Variants in KCNU1 observed in about 807,000 individuals in gnomAD.
The protein encoded by KCNU1 is potassium calcium-activated channel subfamily U member 1, also known as potassium channel subfamily U member 1.
A neutral mutation model predicts 126.8 loss-of-function variants in KCNU1; 93 were observed. That is an observed-to-expected ratio of 0.73 (90% CI 0.62 to 0.87). The LOEUF (loss-of-function observed/expected upper bound fraction) is 0.87. Ranked by LOEUF, KCNU1 falls within the 40% of genes least tolerant of loss-of-function variation. The probability of loss-of-function intolerance (pLI) is 0.00; values close to 1 mark genes in which losing one functional copy is unlikely to be tolerated. For synonymous variants in KCNU1, 523 were observed against 494.2 expected, an observed-to-expected ratio of 1.06 and a Z score of -0.77; for missense variants, 1,330 against 1,367.1, an observed-to-expected ratio of 0.97 and a Z score of 0.43.
At chr8:36,871,516 A>C (rs1806102889) in intron 19 of KCNU1, among the ~76,000 whole-genome samples, 1 of 152,162 alleles carries the variant, frequency 6.6e-6, no homozygotes, top group East Asian at 1.9e-4. Context: ...AAATAGCAGA[A>C]AAATAGCTTC....
At chr8:36,933,056 A>G (rs1359550265) in intron 26 of KCNU1, 24 bp downstream of exon 26, 1 of 1,333,702 alleles carries the variant, frequency 7.5e-7, no homozygotes, top group Non-Finnish European at 1.1e-6. Flanking sequence ...ATTGGAAAGC[A>G]CCATCCACCC....
At chr8:36,901,296 T>A (rs1251996967) in intron 19 of KCNU1, among the ~76,000 whole-genome samples, 2 of 151,982 alleles carry the variant, frequency 1.3e-5, no homozygotes, top group African/African-American at 4.8e-5. Context: ...CATGGTTTGG[T>A]CTCTCTCTCA....
intron 10 of KCNU1, among the ~76,000 whole-genome samples, chr8:36,827,260 T>G (rs1330855334): frequency 6.6e-6 from 1 of 152,236 alleles, no homozygotes; most frequent in Non-Finnish European, 1.5e-5. Context: ...AAACTCAGGA[T>G]GACAGCCGAA....
At chr8:36,862,316 T>A (rs1321577862) in intron 18 of KCNU1, among the ~76,000 whole-genome samples, 5 of 152,204 alleles carry the variant, frequency 3.3e-5, no homozygotes, top group African/African-American at 1.2e-4. Context: ...TTTTCTTAAA[T>A]TTTTTCCTCA....
At chr8:36,818,609 CTTCTT>C (rs1804008201) in intron 10 of KCNU1, among the ~76,000 whole-genome samples, 1 of 152,158 alleles carries the variant, frequency 6.6e-6, no homozygotes, top group African/African-American at 2.4e-5. Flanking sequence ...AGAGAATTAA[CTTCTT>C]TACTTTTCTC....
At chr8:36,795,232 G>A (rs988562159) in intron 2 of KCNU1, 1 of 152,388 alleles carries the variant, frequency 6.6e-6, no homozygotes, top group Non-Finnish European at 1.5e-5. Context: ...GACGGGCCTG[G>A]GCTCCTTCCC....
intron 24 of KCNU1, chr8:36,922,849 G>A: frequency 1.7e-6 from 1 of 596,382 alleles, no homozygotes; most frequent in South Asian, 1.8e-5. Flanking sequence ...TGAGGCCCTT[G>A]CAGCCAGAAC....
At chr8:36,918,251 A>T (rs1293667299) in intron 22 of KCNU1, among the ~76,000 whole-genome samples, 1 of 152,122 alleles carries the variant, frequency 6.6e-6, no homozygotes. Context: ...ATTGAGAAAG[A>T]ATAGACATAG....
intron 11 of KCNU1, among the ~76,000 whole-genome samples, chr8:36,834,284 A>T (rs1320515439): frequency 6.6e-6 from 1 of 152,144 alleles, no homozygotes; most frequent in Non-Finnish European, 1.5e-5. Context: ...GACCCAGAAA[A>T]ATATTTCTCT....
Position 36,834,845 on chromosome 8 carries a change from T to A in KCNU1, c.1272T>A (p.Ala424=), listed in dbSNP as rs1205054749. 2 of 1,610,978 alleles carry A rather than the reference T, an allele frequency of 1.2e-6. No individual in the cohort carries two copies. The highest frequency in any genetic ancestry group is 1.7e-6 in the Non-Finnish European group (2 of 1,177,896). The stretch of plus-strand genomic sequence containing the variant: ...ATCCTTTGTGCAGTGATTCCCATGC[T>A]GAAGATATTTCCAACATTATGAGGT... ...IANPLCSDSH[A]EDISNIMRVL... is the part of the protein sequence containing the mutation. Residue 424 remains alanine, a synonymous_variant, in exon 12 of 27, where the codon GCT becomes GCA. Transcript: ENST00000399881.
chr8:36,841,051 T>TG, intron 16 of KCNU1, 48 bp downstream of exon 16: 12 of 1,267,096 alleles, frequency 9.5e-6, no homozygotes, highest in Non-Finnish European at 1.3e-5. Context: ...TTTTTTTTTT[T>TG]TTTTTCCTGG....
chr8:36,900,254 T>A (rs1807361603), intron 19 of KCNU1, among the ~76,000 whole-genome samples: 1 of 152,148 alleles, frequency 6.6e-6, no homozygotes, highest in Admixed American at 6.6e-5. Flanking sequence ...CCCAGTTGCT[T>A]GGTCCTGAAA....
chr8:36,837,249 A>T (rs184554707), intron 14 of KCNU1, among the ~76,000 whole-genome samples: 2 of 152,164 alleles, frequency 1.3e-5, no homozygotes, highest in Non-Finnish European at 2.9e-5. Flanking sequence ...TCAAAGTAGA[A>T]GCATTGAGTT....
chr8:36,841,356 T>A (rs556696642), intron 16 of KCNU1, among the ~76,000 whole-genome samples: 1 of 152,262 alleles, frequency 6.6e-6, no homozygotes, highest in African/African-American at 2.4e-5. Flanking sequence ...CAAAATTGAA[T>A]CATTTGTGAT....
At chr8:36,925,515 G>T (rs1381180649) in intron 24 of KCNU1, among the ~76,000 whole-genome samples, 1 of 152,160 alleles carries the variant, frequency 6.6e-6, no homozygotes, top group East Asian at 1.9e-4. Flanking sequence ...GGAAATAATT[G>T]TGAATGCTGA....
At chr8:36,797,321 TTA>T (rs1431287338) in intron 2 of KCNU1, among the ~76,000 whole-genome samples, 1 of 152,176 alleles carries the variant, frequency 6.6e-6, no homozygotes, top group Non-Finnish European at 1.5e-5. Flanking sequence ...TTTTATTACT[TTA>T]ATTTATTTTT....
At chr8:36,888,499 C>T (rs1403502009) in intron 19 of KCNU1, 1 of 521,598 alleles carries the variant, frequency 1.9e-6, no homozygotes, top group Admixed American at 2.0e-5. Context: ...TCCAGGACCT[C>T]ATCAGCCACA....
chr8:36,814,962 C>G (rs570587513), intron 8 of KCNU1, among the ~76,000 whole-genome samples: 55 of 152,254 alleles, frequency 3.6e-4, no homozygotes, highest in African/African-American at 1.3e-3. Context: ...TCTCTTAACC[C>G]TCCTCTGTCC....
chr8:36,922,433 C>T (rs1049189893), intron 23 of KCNU1, 57 bp from the exon 24 acceptor site: 9 of 1,548,016 alleles, frequency 5.8e-6, no homozygotes, highest in Admixed American at 3.9e-5. Flanking sequence ...ATGGATGGCA[C>T]TTCTTATATT....
Sources: allele counts gnomAD v4.1 joint callset (sites outside exome capture counted in the v4.1 genomes callset), GRCh38; gene constraint gnomAD v4.1.1; transcripts MANE v1.5; gene names NCBI Gene and HGNC (gene_info 2026-07-23, HGNC 2026-07-21).